Variants in ACTN4 observed in about 807,000 individuals in gnomAD.
ACTN4 encodes alpha-actinin-4.
ACTN4 carries 18 observed loss-of-function variants against 114.2 expected under a neutral mutation model. That is an observed-to-expected ratio of 0.16 (90% confidence interval 0.11 to 0.23). ACTN4 has a LOEUF of 0.23. Among genes scored for constraint, ACTN4 ranks in the 10% least tolerant of loss-of-function variants. The probability of loss-of-function intolerance (pLI) is 1.00; values close to 1 mark genes in which losing one functional copy is unlikely to be tolerated. For missense variants in ACTN4, 722 were observed against 1,262.9 expected (o/e 0.57, Z 6.49); for synonymous variants, 515 against 506.3 (o/e 1.02, Z -0.23).
At chr19:38,694,885 G>GC (rs1161689373) in intron 1 of ACTN4, among the ~76,000 whole-genome samples, 7 of 152,054 alleles carry the variant, frequency 4.6e-5, no homozygotes, top group South Asian at 2.1e-4. Context: ...TTTGCGGGGG[G>GC]GCGGGTTGAG....
chr19:38,649,275 G>A (rs1017904339), intron 1 of ACTN4, among the ~76,000 whole-genome samples: 1 of 128,672 alleles, frequency 7.8e-6, no homozygotes, highest in Non-Finnish European at 1.6e-5. Context: ...GTGTCTGTGG[G>A]GGGGGGATAA....
At chr19:38,728,955 A>C in intron 19 of ACTN4, 41 bp from the exon 20 acceptor site, 2 of 1,610,912 alleles carry the variant, frequency 1.2e-6, no homozygotes, top group Non-Finnish European at 1.7e-6. Context: ...CCCCTGCCCC[A>C]CTAAATGTCG....
chr19:38,680,245 T>TTA (rs1967520827), intron 1 of ACTN4, among the ~76,000 whole-genome samples: 3 of 131,908 alleles, frequency 2.3e-5, no homozygotes, highest in South Asian at 2.6e-4. Flanking sequence ...TTTTTTTTTT[T>TTA]AAAGTCAGAG....
At chr19:38,710,216 C>T (rs377386437) in intron 7 of ACTN4, 41 bp from the exon 8 acceptor site, 28 of 1,605,840 alleles carry the variant, frequency 1.7e-5, no homozygotes, top group South Asian at 8.8e-5. Flanking sequence ...CTCCACCCCC[C>T]GCCCTACTCG....
In ACTN4 at chr19:38,731,261, G is replaced by A. The variant is rs1386229408; in HGVS notation, c.*1829G>A. ...TGCTTCTGAGCCCAGTGGCCCACAG[G>A]GAACCCACCTTGGCATTGCATCCCC... On this transcript the variant is annotated 3_prime_UTR_variant, in exon 21 of 21. Transcript: ENST00000252699. 2 of 1,552,290 alleles carry A rather than the reference G, an allele frequency of 1.3e-6. No individual in the cohort carries two copies. Among genetic ancestry groups the A allele is most frequent in the Non-Finnish European group, 1.8e-6 (2 of 1,127,454 alleles).
chr19:38,687,253 G>A (rs143614294), intron 1 of ACTN4, among the ~76,000 whole-genome samples: 6 of 152,130 alleles, frequency 3.9e-5, no homozygotes, highest in African/African-American at 9.7e-5. Flanking sequence ...GATTACAGGC[G>A]TGAGCCCCTG....
chr19:38,719,524 T>A (rs537700484), intron 11 of ACTN4, among the ~76,000 whole-genome samples: 8 of 152,196 alleles, frequency 5.3e-5, no homozygotes, highest in African/African-American at 1.9e-4. Context: ...GAGTGGATAG[T>A]GAGGGAGGAA....
At chr19:38,723,466 T>G in intron 12 of ACTN4, 148 bp from the exon 13 acceptor site, 9 of 708,760 alleles carry the variant, frequency 1.3e-5, no homozygotes, top group East Asian at 2.8e-5. Flanking sequence ...CAAGCTGTGA[T>G]TTGATTGACC....
chr19:38,695,364 G>A (rs2144972275), intron 1 of ACTN4, among the ~76,000 whole-genome samples: 2 of 152,314 alleles, frequency 1.3e-5, no homozygotes, highest in Middle Eastern at 6.8e-3. Flanking sequence ...AAGCCCAGGA[G>A]AGCTCGATGC....
intron 17 of ACTN4, among the ~76,000 whole-genome samples, chr19:38,726,287 C>CA (rs971240285): frequency 0.063 from 3,841 of 60,750 alleles, 87 homozygotes; most frequent in African/African-American, 0.11. Flanking sequence ...GACTCTGTCT[C>CA]AAAAAAAAAA....
At chr19:38,652,580 G>A (rs2144820974) in intron 1 of ACTN4, among the ~76,000 whole-genome samples, 1 of 152,278 alleles carries the variant, frequency 6.6e-6, no homozygotes, top group South Asian at 2.1e-4. Context: ...CCAACAGGGA[G>A]GCTACTTTGG....
rs371340759 is a variant in ACTN4, at chr19:38,717,887, C to T, written c.1144-40C>T. On this transcript the variant is annotated intron_variant, in intron 10 of 20. Coordinates refer to ENST00000252699, the MANE Select transcript of ACTN4 (RefSeq NM_004924.6). The surrounding 1 kb of genome is among the most constrained non-coding windows in gnomAD (Gnocchi z 4.0). ...GGAGACATCCCCCTGGGTGCCTCCA[C>T]TTCCTTGTGATAGCCCTGCCTGCTC... 938 of 1,562,186 alleles carry T rather than the reference C, an allele frequency of 6.0e-4. 3 individuals carry two copies. The highest frequency in any genetic ancestry group is 7.7e-4 in the Non-Finnish European group (888 of 1,153,086).
At chr19:38,694,881 G>A (rs1968041936) in intron 1 of ACTN4, among the ~76,000 whole-genome samples, 1 of 152,034 alleles carries the variant, frequency 6.6e-6, no homozygotes, top group African/African-American at 2.4e-5. Flanking sequence ...TAATTTTGCG[G>A]GGGGGCGGGT....
rs568574676 is a variant in ACTN4 at position 38,714,543 on chromosome 19, C to T, written c.894C>T (p.Tyr298=). Residue 298 remains tyrosine, a synonymous_variant, in exon 9 of 21, where the codon TAC becomes TAT. Coordinates refer to ENST00000252699, the MANE Select transcript of ACTN4 (RefSeq NM_004924.6). The part of the protein sequence containing the change: ...NQENEHLMED[Y]EKLASDLLEW... The stretch of plus-strand genomic sequence containing the variant: ...AGAACGAGCACCTGATGGAGGACTA[C>T]GAGAAGCTGGCCAGCGACGTGAGTG... The T allele has an allele frequency of 8.2e-5, 133 of 1,613,944 alleles. No homozygotes were observed. In the East Asian group the frequency reaches 2.2e-3, roughly 26 times the overall value.
At position 38,730,068 on chromosome 19, in the gene ACTN4, G is replaced by A. The variant is rs10034; in HGVS notation, c.*636G>A. On this transcript the variant is annotated 3_prime_UTR_variant, in exon 21 of 21. Coordinates refer to ENST00000252699, the MANE Select transcript of ACTN4 (RefSeq NM_004924.6). ...CCGGCCTTGCTTTGTCTGGCCTCACGTGTCTCAGATTTTCTAAGAACCAAA... is the reference window on the plus strand; with the variant it reads ...CCGGCCTTGCTTTGTCTGGCCTCACATGTCTCAGATTTTCTAAGAACCAAA... The A allele has an allele frequency of 0.034, 4,735 of 140,178 alleles. 111 individuals are homozygous for A. The highest frequency in any genetic ancestry group is 0.069 in the Admixed American group (913 of 13,304). 8.7% of individuals were successfully genotyped at this position (140,178 alleles called of 1,614,324 possible).
chr19:38,716,097 G>A (rs1166451388), intron 9 of ACTN4, among the ~76,000 whole-genome samples: 2 of 151,986 alleles, frequency 1.3e-5, no homozygotes, highest in Non-Finnish European at 2.9e-5. Context: ...TAGAGATGGG[G>A]TTTCACCATG....
chr19:38,711,170 A>G (rs1038668799), intron 8 of ACTN4: 1 of 425,722 alleles, frequency 2.3e-6, no homozygotes, highest in Non-Finnish European at 3.1e-6. Context: ...TCCAGTCCAG[A>G]GCAAGTGCTC....
intron 3 of ACTN4, among the ~76,000 whole-genome samples, 167 bp downstream of exon 3, chr19:38,701,288 A>T (rs1379091097): frequency 1.3e-5 from 2 of 152,148 alleles, no homozygotes; most frequent in Non-Finnish European, 2.9e-5. Flanking sequence ...TCTTGATATG[A>T]TGCTGGGCCC....
chr19:38,696,057 G>A (rs972334303), intron 1 of ACTN4, among the ~76,000 whole-genome samples: 3 of 152,160 alleles, frequency 2.0e-5, no homozygotes, highest in Non-Finnish European at 4.4e-5. Context: ...AGATGATTAC[G>A]AGGGTGACAG....
Sources: allele counts gnomAD v4.1 joint callset (sites outside exome capture counted in the v4.1 genomes callset), GRCh38; gene constraint gnomAD v4.1.1; non-coding constraint Gnocchi (gnomAD v3.1); transcripts MANE v1.5; gene names NCBI Gene and HGNC (gene_info 2026-07-23, HGNC 2026-07-21).